Variants in RP1L1 observed in about 807,000 individuals in gnomAD.
RP1L1 encodes the protein retinitis pigmentosa 1-like 1 protein.
In RP1L1, 27 loss-of-function variants were observed where a neutral mutation model predicts 15.7. The observed-to-expected ratio is 1.72, with a 90% CI of 1.27 to 2.38. The LOEUF (loss-of-function observed/expected upper bound fraction) is 2.38. Ranked by LOEUF, RP1L1 falls within the 30% of genes most tolerant of loss-of-function variation. The probability of loss-of-function intolerance (pLI) is 0.00; values close to 1 mark genes in which losing one functional copy is unlikely to be tolerated. For synonymous variants in RP1L1, 1,813 were observed against 1,276.7 expected (o/e 1.42, Z -8.96); for missense variants, 4,798 against 3,075.9 (o/e 1.56, Z -13.24).
intron 1 of RP1L1, among the ~76,000 whole-genome samples, chr8:10,647,110 C>T (rs1798491108): frequency 6.6e-6 from 1 of 152,234 alleles, no homozygotes; most frequent in African/African-American, 2.4e-5. Context: ...CTTCAGAACT[C>T]CCTGTAAAAG....
chr8:10,618,490 G>A (rs1338376404), intron 2 of RP1L1, among the ~76,000 whole-genome samples: 4 of 152,174 alleles, frequency 2.6e-5, no homozygotes. Context: ...CTGGGTGACA[G>A]AGTGAAACTC....
At chr8:10,613,646 C>G (rs531441415) in intron 3 of RP1L1, among the ~76,000 whole-genome samples, 1 of 145,818 alleles carries the variant, frequency 6.9e-6, no homozygotes, top group African/African-American at 2.5e-5. Flanking sequence ...ATTACCTAAG[C>G]ATGGTAGTAT....
intron 3 of RP1L1, among the ~76,000 whole-genome samples, chr8:10,616,198 C>G (rs991454787): frequency 3.3e-5 from 5 of 152,200 alleles, no homozygotes; most frequent in Non-Finnish European, 7.3e-5. Context: ...CATGAGCCAC[C>G]ATGCCCAGCC....
chr8:10,637,709 G>A (rs778178666), intron 1 of RP1L1, among the ~76,000 whole-genome samples: 7 of 152,338 alleles, frequency 4.6e-5, no homozygotes, highest in South Asian at 2.1e-4. Context: ...AAGAGTTAAC[G>A]TAGCTGATAT....
rs1266384935 is a variant in RP1L1, at chr8:10,609,379, CT to C, written c.4718del (p.Lys1573ArgfsTer91). ...GGCCCTGGAGCTTCTGGAGCTCTCT[CT>C]TGGTGCTGTCCTGGAGGCGTTGGGC... ...DVAQRLQDST[K>X]RELQKLQGRA... is the part of the protein sequence containing the mutation. On this transcript the variant is annotated frameshift_variant, in exon 4 of 4. Transcript: ENST00000382483. LOFTEE classifies it low-confidence loss of function (END_TRUNC). 6.2e-7 allele frequency: 1 copy of C among 1,612,464 alleles called. No individual in the cohort carries two copies. The highest frequency in any genetic ancestry group is 2.2e-5 in the East Asian group (1 of 44,884).
chr8:10,631,107 C>T (rs1222713500), intron 1 of RP1L1, among the ~76,000 whole-genome samples: 3 of 152,066 alleles, frequency 2.0e-5, no homozygotes, highest in Non-Finnish European at 4.4e-5. Context: ...GGAACAGGGC[C>T]TAACGTTGTG....
At chr8:10,637,796 G>T (rs1798351714) in intron 1 of RP1L1, among the ~76,000 whole-genome samples, 1 of 152,214 alleles carries the variant, frequency 6.6e-6, no homozygotes, top group Non-Finnish European at 1.5e-5. Flanking sequence ...GACGGGGGAA[G>T]TAGGAAGAGA....
intron 1 of RP1L1, among the ~76,000 whole-genome samples, chr8:10,627,496 A>G (rs1237791526): frequency 2.0e-5 from 3 of 151,862 alleles, no homozygotes; most frequent in Non-Finnish European, 4.4e-5. Flanking sequence ...ACGAGAGGGG[A>G]GTTAATGTTT....
At position 10,606,687 on chromosome 8, in the gene RP1L1, G is replaced by T. The variant is rs149378435; in HGVS notation, c.*208C>A. On this transcript the variant is annotated 3_prime_UTR_variant, in exon 4 of 4. Transcript: ENST00000382483. ...CAGACACCCCCTTTCTTCACACTGC[G>T]TGTGGGACGGGCCGCAGAGCTCTCT... is the stretch of plus-strand genomic sequence containing the variant. 6 of 772,776 alleles carry T rather than the reference G, an allele frequency of 7.8e-6. No homozygotes were observed. The highest frequency in any genetic ancestry group is 1.8e-5 in the African/African-American group (1 of 56,990). 47.9% of individuals were successfully genotyped at this position (772,776 alleles called of 1,614,324 possible).
chr8:10,609,583 C>G lies in RP1L1; in HGVS notation c.4515G>C (p.Ser1505=), dbSNP rs369405979. The change falls in exon 4 of 4, where the codon TCG becomes TCC. Residue 1505 remains serine (S), a synonymous_variant. Coordinates refer to ENST00000382483, the MANE Select transcript of RP1L1 (RefSeq NM_178857.6). ...AGTCCAGAGCCGCGCTGCAGGCCAC[C>G]GAAGAGCTCCTCTCTGCAGCCCCCT... ...PTQGAAERSS[S]VACSAALDCD... is the part of the protein sequence containing the mutation. The G allele has an allele frequency of 1.7e-5, 28 of 1,603,812 alleles. No individual in the cohort carries two copies. Among genetic ancestry groups the G allele is most frequent in the Non-Finnish European group, 2.3e-5 (27 of 1,177,822 alleles).
intron 3 of RP1L1, among the ~76,000 whole-genome samples, chr8:10,616,212 G>C (rs970684712): frequency 7.2e-5 from 11 of 152,134 alleles, no homozygotes; most frequent in African/African-American, 2.7e-4. Flanking sequence ...CCCAGCCTCT[G>C]TTCCTTTTAT....
At chr8:10,631,321 ACG>A (rs1491255615) in intron 1 of RP1L1, among the ~76,000 whole-genome samples, 878 of 84,332 alleles carry the variant, frequency 0.01, 23 homozygotes, top group African/African-American at 0.025. Context: ...ACACGCACAC[ACG>A]CACACACACA....
At chr8:10,619,691 C>G (rs1798027832) in intron 2 of RP1L1, among the ~76,000 whole-genome samples, 1 of 152,078 alleles carries the variant, frequency 6.6e-6, no homozygotes, top group South Asian at 2.1e-4. Context: ...CTTTAGAATG[C>G]CAAGGTGGGC....
chr8:10,628,490 C>T (rs2117236751), intron 1 of RP1L1, among the ~76,000 whole-genome samples: 1 of 152,256 alleles, frequency 6.6e-6, no homozygotes, highest in South Asian at 2.1e-4. Context: ...ACCCCCAGCC[C>T]CAGAGATCCA....
At chr8:10,622,516 C>G (rs948280326) in intron 2 of RP1L1, 77 bp downstream of exon 2, 1 of 1,592,578 alleles carries the variant, frequency 6.3e-7, no homozygotes, top group Non-Finnish European at 8.6e-7. Context: ...AAGGAATAAT[C>G]TCTCTCTTCC....
intron 2 of RP1L1, among the ~76,000 whole-genome samples, chr8:10,622,208 C>G (rs906267238): frequency 6.6e-5 from 10 of 151,918 alleles, no homozygotes; most frequent in African/African-American, 2.4e-4. Context: ...GTAATCCCAG[C>G]TACTCAGAGG....
rs748796400 is a variant in RP1L1, at chr8:10,608,612, C to G, written c.5486G>C (p.Ser1829Thr). ...AAGGDQDPGQ[S>T]DGAEGIEAPE... ...GGCCTCTATGCCTTCGGCCCCATCA[C>G]TCTGTCCTGGATCTTGGTCACCTCC... The change falls in exon 4 of 4, where the codon AGT becomes ACT. Residue 1829 changes from serine to threonine, a missense_variant. Coordinates refer to ENST00000382483, the MANE Select transcript of RP1L1 (RefSeq NM_178857.6). 2 of 1,614,168 alleles carry G rather than the reference C, an allele frequency of 1.2e-6. No homozygotes were observed. The highest frequency in any genetic ancestry group is 1.7e-6 in the Non-Finnish European group (2 of 1,180,032).
chr8:10,648,880 G>A (rs983835621), intron 1 of RP1L1, among the ~76,000 whole-genome samples: 9 of 152,248 alleles, frequency 5.9e-5, no homozygotes, highest in Non-Finnish European at 8.8e-5. Flanking sequence ...GGCTAGAGAA[G>A]CCCTGATGGT....
intron 2 of RP1L1, among the ~76,000 whole-genome samples, chr8:10,618,298 G>C (rs999624497): frequency 5.3e-5 from 8 of 152,082 alleles, no homozygotes; most frequent in Admixed American, 1.3e-4. Flanking sequence ...CCAGGAGTTT[G>C]AGATCAGCCT....
Sources: allele counts gnomAD v4.1 joint callset (sites outside exome capture counted in the v4.1 genomes callset), GRCh38; gene constraint gnomAD v4.1.1; transcripts MANE v1.5; gene names NCBI Gene and HGNC (gene_info 2026-07-23, HGNC 2026-07-21).